The following PDLIM3 variants were observed in gnomAD, a reference collection of about 807,000 sequenced individuals.
PDLIM3 encodes PDZ and LIM domain 3, also known as PDZ and LIM domain protein 3.
A neutral mutation model predicts 37.3 loss-of-function variants in PDLIM3; 36 were observed. That is an observed-to-expected ratio of 0.97 (90% CI 0.74 to 1.28). PDLIM3 has a LOEUF of 1.28. Ranked by LOEUF, PDLIM3 falls within the 50% of genes most tolerant of loss-of-function variation. The pLI is 0.00. For synonymous variants in PDLIM3, 174 were observed against 182.4 expected, an observed-to-expected ratio of 0.95 and a Z score of 0.37; for missense variants, 454 against 485.0, an observed-to-expected ratio of 0.94 and a Z score of 0.60.
At position 185,504,279 on chromosome 4, in the gene PDLIM3, CAT is replaced by C. The variant is rs1198327624; in HGVS notation, c.905+194_905+195del. Among the ~76,000 whole-genome samples, 5 of 152,028 alleles carry C rather than the reference CAT, an allele frequency of 3.3e-5. No individual in the cohort carries two copies. Among genetic ancestry groups the C allele is most frequent in the Admixed American group, 2.6e-4 (4 of 15,262 alleles). ...AAATTGTAAGTCAAAATTGCTGACTCATGTGATGTGACAATTTGGAGGTATAT... is the reference window on the plus strand; with the variant it reads ...AAATTGTAAGTCAAAATTGCTGACTCGTGATGTGACAATTTGGAGGTATAT... On this transcript the variant is annotated intron_variant, in intron 7 of 7. Transcript: ENST00000284767. This position sits in a 1 kb window ranked among gnomAD's most constrained non-coding sequence, Gnocchi z 4.7.
chr4:185,532,892 A>G (rs558753368), intron 1 of PDLIM3, among the ~76,000 whole-genome samples: 9 of 152,332 alleles, frequency 5.9e-5, no homozygotes, highest in African/African-American at 1.9e-4. Flanking sequence ...AAAGTGGCAG[A>G]TGTTGAAGAC....
At chr4:185,523,247 A>G in intron 3 of PDLIM3, 115 bp downstream of exon 3, 2 of 701,512 alleles carry the variant, frequency 2.9e-6, no homozygotes, top group Non-Finnish European at 2.6e-6. Flanking sequence ...ATGACAGACA[A>G]CAGCTTCATA....
intron 1 of PDLIM3, among the ~76,000 whole-genome samples, chr4:185,534,580 A>G (rs2095750100): frequency 6.6e-6 from 1 of 152,248 alleles, no homozygotes; most frequent in African/African-American, 2.4e-5. Context: ...ATTAGACAGT[A>G]GAGAACACCA....
At chr4:185,503,423 G>A (rs1202379551) in intron 7 of PDLIM3, among the ~76,000 whole-genome samples, 1 of 152,160 alleles carries the variant, frequency 6.6e-6, no homozygotes, top group African/African-American at 2.4e-5. Flanking sequence ...TCCCTGCCCT[G>A]CTTTGACCTT....
In PDLIM3 at chr4:185,504,481, C is replaced by T. The variant is rs745737342; in HGVS notation, c.899G>A (p.Gly300Asp). The change falls in exon 7 of 8, where the codon GGC becomes GAC. Residue 300 changes from glycine (G) to aspartate (D), a missense_variant. By Grantham distance (94) the Gly-to-Asp change is moderately conservative. Coordinates refer to ENST00000284767, the MANE Select transcript of PDLIM3 (RefSeq NM_014476.6). The surrounding 1 kb of genome is among the most constrained non-coding windows in gnomAD (Gnocchi z 4.7). ...GGTTAAAAGTGAAACTTACACTATG[C>T]CACTCCCACATTTGTCACAGAGCGG... ...RMPLCDKCGS[G>D]IVGAVVKARD... is the part of the protein sequence containing the mutation. 1.1e-5 allele frequency: 18 copies of T among 1,610,702 alleles called. 1 individual carries two copies. Among genetic ancestry groups the T allele is most frequent in the South Asian group, 5.5e-5 (5 of 91,008 alleles).
rs112661328 is a variant in PDLIM3 at position 185,525,103 on chromosome 4, G to A, written c.162C>T (p.Gly54=). The change falls in exon 2 of 8, where the codon GGC becomes GGT. Residue 54 remains glycine, a synonymous_variant. Coordinates refer to ENST00000284767, the MANE Select transcript of PDLIM3 (RefSeq NM_014476.6). The part of the protein sequence containing the change: ...CPGDVILAID[G]FGTESMTHAD... ...CATGAGTCATGGACTCTGTCCCAAA[G>A]CCGTCAATAGCCAGGATGACATCTC... 16,048 of 1,614,126 alleles carry A rather than the reference G, an allele frequency of 9.9e-3. 106 individuals carry two copies. The highest frequency in any genetic ancestry group is 0.011 in the Non-Finnish European group (13,506 of 1,179,960).
intron 4 of PDLIM3, chr4:185,513,494 T>G (rs2095709853): frequency 3.1e-6 from 3 of 965,844 alleles, no homozygotes; most frequent in South Asian, 9.6e-5. Flanking sequence ...AGTTTAAATG[T>G]TCTGTCTAAA....
rs2095708803 is a variant in PDLIM3, at chr4:185,512,859, A to G, written c.398+1411T>C. ...TTGGGTTGGGGTGGGGAAGCTGTTG[A>G]AAGTGGAGAAACGGAAAAGATGCAG... On this transcript the variant is annotated intron_variant, in intron 4 of 7. Coordinates refer to ENST00000284767, the MANE Select transcript of PDLIM3 (RefSeq NM_014476.6). The G allele has an allele frequency of 8.1e-6, 8 of 985,394 alleles. No homozygotes were observed. In the South Asian group the frequency reaches 3.8e-4, roughly 46 times the overall value. 61.0% of individuals were successfully genotyped at this position (985,394 alleles called of 1,614,324 possible). A position where few individuals can be genotyped will look rare whatever the true frequency, so the allele number is the denominator to read the frequency against.
In PDLIM3 at chr4:185,504,298, G is replaced by A. The variant is rs557938094; in HGVS notation, c.905+177C>T. 5.6e-4 allele frequency among the ~76,000 whole-genome samples: 85 copies of A among 152,200 alleles called. No individual in the cohort carries two copies. The highest frequency in any genetic ancestry group is 1.1e-3 in the Non-Finnish European group (72 of 68,000). On this transcript the variant is annotated intron_variant, in intron 7 of 7. Coordinates refer to ENST00000284767, the MANE Select transcript of PDLIM3 (RefSeq NM_014476.6). This position sits in a 1 kb window ranked among gnomAD's most constrained non-coding sequence, Gnocchi z 4.7. The stretch of plus-strand genomic sequence containing the variant: ...CTGACTCATGTGATGTGACAATTTG[G>A]AGGTATATCTAAGGAGTGACAGTCA...
chr4:185,519,521 AG>A (rs1156477444), intron 3 of PDLIM3, among the ~76,000 whole-genome samples: 1 of 152,200 alleles, frequency 6.6e-6, no homozygotes. Context: ...TCCTGACCTC[AG>A]GTGATCCACC....
intron 3 of PDLIM3, among the ~76,000 whole-genome samples, chr4:185,518,802 A>T (rs577442679): frequency 1.3e-5 from 2 of 152,346 alleles, no homozygotes; most frequent in Admixed American, 1.3e-4. Context: ...TGTGAAAATA[A>T]AAATGACTTT....
intron 1 of PDLIM3, among the ~76,000 whole-genome samples, chr4:185,532,667 TAGG>T (rs1486765977): frequency 6.6e-6 from 1 of 152,178 alleles, no homozygotes. Context: ...CAAATTGGGA[TAGG>T]AGATGGTGAA....
chr4:185,503,904 C>T (rs200900883), intron 7 of PDLIM3, among the ~76,000 whole-genome samples: 239 of 152,262 alleles, frequency 1.6e-3, no homozygotes, highest in African/African-American at 5.2e-3. Context: ...GCCAAGATTG[C>T]GCCACTGCAC....
At chr4:185,508,273 C>T in intron 5 of PDLIM3, 26 bp downstream of exon 5, 1 of 1,611,012 alleles carries the variant, frequency 6.2e-7, no homozygotes, top group Non-Finnish European at 8.5e-7. Context: ...GTTAATATGC[C>T]CATGGTTCAA....
In PDLIM3 at chr4:185,524,227, G is replaced by A. The variant is rs544170513; in HGVS notation, c.246-781C>T. ...CTGCCTGGGACCTAGTGGCTCCTAA[G>A]GGACTGTGTGCTCGGCATGAACACA... On this transcript the variant is annotated intron_variant, in intron 2 of 7. Transcript: ENST00000284767. 2.0e-5 allele frequency among the ~76,000 whole-genome samples: 3 copies of A among 152,258 alleles called. No individual in the cohort carries two copies. The South Asian group carries it at 6.2e-4, about 32-fold the overall frequency.
intron 1 of PDLIM3, among the ~76,000 whole-genome samples, chr4:185,526,760 C>T (rs1455258525): frequency 6.6e-6 from 1 of 152,148 alleles, no homozygotes; most frequent in East Asian, 1.9e-4. Flanking sequence ...CTCATGTAGG[C>T]CAAGCTTGTG....
chr4:185,535,260 C>T (rs2095751654), intron 1 of PDLIM3, 82 bp downstream of exon 1: 1 of 1,288,902 alleles, frequency 7.8e-7, no homozygotes, highest in Non-Finnish European at 1.1e-6. Context: ...TGGCCGCCCT[C>T]GGCCCCGGGG....
intron 1 of PDLIM3, among the ~76,000 whole-genome samples, chr4:185,525,823 G>A (rs1294535418): frequency 2.0e-5 from 3 of 152,188 alleles, no homozygotes; most frequent in Non-Finnish European, 4.4e-5. Context: ...CAAGTGAGGT[G>A]TCTGCAACCC....
chr4:185,524,142 G>A (rs770623693), intron 2 of PDLIM3, among the ~76,000 whole-genome samples: 2 of 152,040 alleles, frequency 1.3e-5, no homozygotes, highest in Non-Finnish European at 2.9e-5. Flanking sequence ...TGAGTGATCT[G>A]CCAGGTGGAT....
Sources: gnomAD v4.1 joint callset for allele counts (sites outside exome capture counted in the v4.1 genomes callset) on GRCh38, gnomAD v4.1.1 for gene constraint, Gnocchi (gnomAD v3.1) non-coding constraint, MANE v1.5 for transcripts, NCBI Gene and HGNC (gene_info 2026-07-23, HGNC 2026-07-21) for gene names.